UPP2: variants seen among roughly 807,000 people sequenced by gnomAD.
The protein encoded by UPP2 is UPase 2.
UPP2 carries 23 observed loss-of-function variants against 26.7 expected under a neutral mutation model. That is an observed-to-expected ratio of 0.86 (90% confidence interval 0.62 to 1.22). The LOEUF is 1.22. UPP2 is among the 50% of genes most tolerant of loss of function. UPP2 has a pLI of 0.00. For synonymous variants in UPP2, 127 were observed against 141.3 expected (o/e 0.90, Z 0.72); for missense variants, 387 against 396.7 (o/e 0.98, Z 0.21).
intron 3 of UPP2, among the ~76,000 whole-genome samples, chr2:158,035,077 C>CT (rs1683979011): frequency 6.6e-6 from 1 of 152,064 alleles, no homozygotes; most frequent in African/African-American, 2.4e-5. Flanking sequence ...TAAAAGATTG[C>CT]ATTTTCAGGT....
chr2:158,098,093 G>A (rs1683014968), upstream of UPP2, among the ~76,000 whole-genome samples: 1 of 152,102 alleles, frequency 6.6e-6, no homozygotes, highest in South Asian at 2.1e-4. Context: ...CTTGAACACG[G>A]AGATTGCTAG....
chr2:158,028,704 G>C (rs1683873910), intron 3 of UPP2, among the ~76,000 whole-genome samples: 1 of 152,152 alleles, frequency 6.6e-6, no homozygotes, highest in Non-Finnish European at 1.5e-5. Context: ...CCAAAACTGG[G>C]AAGAAAAAGA....
chr2:158,076,259 C>T (rs768969967), intron 3 of UPP2, among the ~76,000 whole-genome samples: 2 of 151,930 alleles, frequency 1.3e-5, no homozygotes, highest in Non-Finnish European at 2.9e-5. Flanking sequence ...AGAATTAATA[C>T]CAACTTTATT....
chr2:158,118,405 A>G (rs1683488452), intron 4 of UPP2, among the ~76,000 whole-genome samples: 1 of 151,968 alleles, frequency 6.6e-6, no homozygotes, highest in Non-Finnish European at 1.5e-5. Context: ...TACTGGCTGT[A>G]TCTTTTCCTC....
exon 2 of UPP2, chr2:157,995,183 C>T (rs1683306417): frequency 6.2e-7 from 1 of 1,613,470 alleles, no homozygotes; most frequent in African/African-American, 1.3e-5. Flanking sequence ...TTCCTAGGGA[C>T]TTCACCAGTG....
chr2:158,094,954 C>T lies in UPP2; in HGVS notation c.148-7086C>T, dbSNP rs148625132. The stretch of plus-strand genomic sequence containing the variant: ...CTTTCATCAGGTGCTGAAAGACTAA[C>T]ACGGGCTTTAATCTCCAAGGCTTGA... On this transcript the variant is annotated intron_variant, in intron 3 of 9. Transcript: ENST00000605860. Among the ~76,000 whole-genome samples the T allele has an allele frequency of 7.9e-3, 1,207 of 152,250 alleles. 6 individuals are homozygous for T. Among genetic ancestry groups the T allele is most frequent in the Middle Eastern group, 0.014 (4 of 294 alleles).
chr2:158,047,633 T>G lies in UPP2; in HGVS notation c.147+31747T>G, dbSNP rs530672449. Among the ~76,000 whole-genome samples, 14 of 152,320 alleles carry G rather than the reference T, an allele frequency of 9.2e-5. No individual in the cohort carries two copies. The East Asian group carries it at 1.9e-3, about 21-fold the overall frequency. On this transcript the variant is annotated intron_variant, in intron 3 of 9. Coordinates refer to the UPP2 transcript ENST00000605860. Reference sequence around the variant, plus strand: ...TCCTTAGTGTCATATGTCAAAAAAATGCACTTCATTATCAGTATCTGTAAT... The same window carrying G: ...TCCTTAGTGTCATATGTCAAAAAAAGGCACTTCATTATCAGTATCTGTAAT...
At chr2:158,021,186 T>C (rs1683745558) in intron 3 of UPP2, among the ~76,000 whole-genome samples, 3 of 152,238 alleles carry the variant, frequency 2.0e-5, no homozygotes, top group Admixed American at 1.3e-4. Context: ...ATAGTCTCCA[T>C]GCAGTAATAT....
At chr2:158,054,215 G>T (rs1226997068) in intron 3 of UPP2, among the ~76,000 whole-genome samples, 1 of 152,000 alleles carries the variant, frequency 6.6e-6, no homozygotes. Flanking sequence ...CTTAGATGGT[G>T]CCACTGCACT....
intron 3 of UPP2, among the ~76,000 whole-genome samples, chr2:158,033,774 G>C (rs1371105267): frequency 6.6e-6 from 1 of 152,206 alleles, no homozygotes; most frequent in African/African-American, 2.4e-5. Context: ...CATTAGGAGA[G>C]ATTCACTGGA....
intron 3 of UPP2, among the ~76,000 whole-genome samples, chr2:158,019,597 G>T (rs1683715658): frequency 1.4e-5 from 2 of 145,708 alleles, no homozygotes; most frequent in Non-Finnish European, 3.0e-5. Context: ...TATTTCTCAA[G>T]AATTTATATC....
At chr2:158,122,007 A>T (rs1490108685) in intron 5 of UPP2, among the ~76,000 whole-genome samples, 1 of 152,012 alleles carries the variant, frequency 6.6e-6, no homozygotes, top group Non-Finnish European at 1.5e-5. Flanking sequence ...AGTGGTCCAG[A>T]AAATGGGGAG....
At chr2:158,099,417 C>A (rs1443312112), upstream of UPP2, among the ~76,000 whole-genome samples, 1 of 152,120 alleles carries the variant, frequency 6.6e-6, no homozygotes, top group Non-Finnish European at 1.5e-5. Flanking sequence ...CATCCCCACT[C>A]TGAGACCCGC....
intron 3 of UPP2, among the ~76,000 whole-genome samples, chr2:158,081,435 C>A (rs1012140922): frequency 6.6e-6 from 1 of 152,084 alleles, no homozygotes; most frequent in Admixed American, 6.6e-5. Flanking sequence ...AAAAATAGAT[C>A]TACCAAATGA....
chr2:158,012,025 GA>G (rs1683587019), intron 2 of UPP2, among the ~76,000 whole-genome samples: 6 of 152,014 alleles, frequency 3.9e-5, no homozygotes, highest in South Asian at 4.1e-4. Flanking sequence ...TCATCTACTT[GA>G]CTCAGTGAGC....
intron 6 of UPP2, among the ~76,000 whole-genome samples, chr2:158,127,801 T>C (rs1299577667): frequency 6.6e-6 from 1 of 152,230 alleles, no homozygotes; most frequent in African/African-American, 2.4e-5. Flanking sequence ...CAATGCTGTT[T>C]TAACAAAGAT....
chr2:158,106,154 C>T lies in UPP2; in HGVS notation c.118C>T (p.Leu40Phe). ...CTTGGATTTGATGGATGAAGACATT[C>T]TCTATCACTTGGATTTGGGAACAAA... ...PYLDLMDEDI[L>F]YHLDLGTKTH... The change falls in exon 2 of 7, where the codon CTC (leucine) becomes TTC (phenylalanine). Residue 40 changes from leucine (L) to phenylalanine (F), a missense_variant. Transcript: ENST00000005756. The T allele has an allele frequency of 6.2e-7, 1 of 1,609,288 alleles. No homozygotes were observed. The highest frequency in any genetic ancestry group is 8.5e-7 in the Non-Finnish European group (1 of 1,178,214).
Position 158,013,495 on chromosome 2 carries a change from G to A in UPP2, c.62-2306G>A, listed in dbSNP as rs539385175. 3.9e-5 allele frequency among the ~76,000 whole-genome samples: 6 copies of A among 152,310 alleles called. No homozygotes were observed. In the East Asian group the frequency reaches 1.2e-3, roughly 29 times the overall value. ...AGATGTGGAAAGGCTTGGGGAAGAG[G>A]GGATTAGTAAGATGAGAAGACAGCA... On this transcript the variant is annotated intron_variant, in intron 2 of 9. Coordinates refer to the UPP2 transcript ENST00000605860.
At chr2:158,090,285 G>A (rs986098743) in intron 3 of UPP2, among the ~76,000 whole-genome samples, 10 of 152,114 alleles carry the variant, frequency 6.6e-5, no homozygotes, top group Non-Finnish European at 1.3e-4. Context: ...GGCGGATCAC[G>A]AGGTCGGGGA....
Sources: allele counts gnomAD v4.1 joint callset (sites outside exome capture counted in the v4.1 genomes callset), GRCh38; gene constraint gnomAD v4.1.1; transcripts MANE v1.5; gene names NCBI Gene and HGNC (gene_info 2026-07-23, HGNC 2026-07-21).